Variants in CDC6 observed in about 807,000 individuals in gnomAD.
The protein encoded by CDC6 is DNA replication factor CDC6.
CDC6 carries 46 observed loss-of-function variants against 60.2 expected under a neutral mutation model. That is an observed-to-expected ratio of 0.76 (90% CI 0.60 to 0.98). The LOEUF is 0.98. CDC6 is among the 50% of genes least tolerant of loss of function. The probability of loss-of-function intolerance (pLI) is 0.00; values close to 1 mark genes in which losing one functional copy is unlikely to be tolerated. For synonymous variants in CDC6, 210 were observed against 233.2 expected (o/e 0.90, Z 0.90); for missense variants, 596 against 652.9 (o/e 0.91, Z 0.95).
chr17:40,291,159 C>T lies in CDC6; in HGVS notation c.280C>T (p.Arg94Ter), dbSNP rs1188955109. Residue 94 changes from arginine (R) to a stop codon, truncating the protein, a stop_gained, in exon 3 of 12, where the codon CGA becomes TGA. Transcript: ENST00000209728. LOFTEE classifies it high-confidence loss of function. ...CCCTCACTCACATACACTTAAGGGACGAAGATTGGTATTTGACAATCAGCT... is the reference window on the plus strand; with the variant it reads ...CCCTCACTCACATACACTTAAGGGATGAAGATTGGTATTTGACAATCAGCT... Reference protein sequence around the residue: ...GPPHSHTLKGRRLVFDNQLTI... With the variant: ...GPPHSHTLKG 6.2e-6 allele frequency: 10 copies of T among 1,613,966 alleles called. No individual in the cohort carries two copies. The highest frequency in any genetic ancestry group is 1.3e-5 in the African/African-American group (1 of 74,890).
Position 40,296,698 on chromosome 17 carries a change from T to A in CDC6, c.1185-5T>A, listed in dbSNP as rs999165992. 7 of 1,576,582 alleles carry A rather than the reference T, an allele frequency of 4.4e-6. No individual in the cohort carries two copies. Among genetic ancestry groups the A allele is most frequent in the Non-Finnish European group, 6.1e-6 (7 of 1,146,068 alleles). On this transcript the variant is annotated splice_region_variant and splice_polypyrimidine_tract_variant and intron_variant, in intron 8 of 11. Transcript: ENST00000209728. ...CTAAATTAATTTTAGAAATTTTTTT[T>A]ATAGGAGAGCTATTGAAATTGTAGA...
At chr17:40,295,487 T>TAAAAAA in intron 8 of CDC6, 31 bp downstream of exon 8, 2 of 1,119,866 alleles carry the variant, frequency 1.8e-6, no homozygotes, top group Non-Finnish European at 2.7e-6. Context: ...ATTCTTTTAT[T>TAAAAAA]AAAAAAAAAA....
chr17:40,296,889 T>A (rs954181104), intron 9 of CDC6, 122 bp downstream of exon 9: 2 of 778,846 alleles, frequency 2.6e-6, no homozygotes, highest in African/African-American at 3.4e-5. Flanking sequence ...TATGTGTGTC[T>A]GTGTTTTTAG....
rs767841312 is a variant in CDC6, at chr17:40,293,612, G to T, written c.817G>T (p.Ala273Ser). Residue 273 changes from alanine to serine, a missense_variant, in exon 5 of 12, where the codon GCA becomes TCA. By Grantham distance (99) the Ala-to-Ser change is moderately conservative. Transcript: ENST00000209728. ...MMRKLEKHMT[A>S]EKGPMIVLVL... ...GAGGAAATTGGAAAAACATATGACTGCAGAGAAGGGCCCCATGATGTAAGT... is the reference window on the plus strand; with the variant it reads ...GAGGAAATTGGAAAAACATATGACTTCAGAGAAGGGCCCCATGATGTAAGT... The T allele has an allele frequency of 3.1e-6, 5 of 1,612,912 alleles. No homozygotes were observed. Among genetic ancestry groups the T allele is most frequent in the Non-Finnish European group, 4.2e-6 (5 of 1,178,972 alleles).
intron 9 of CDC6, among the ~76,000 whole-genome samples, chr17:40,298,811 T>G (rs1417880890): frequency 6.6e-6 from 1 of 152,178 alleles, no homozygotes; most frequent in Non-Finnish European, 1.5e-5. Flanking sequence ...TGAAACATAG[T>G]GGGTTCTCCA....
chr17:40,296,893 T>A, intron 9 of CDC6, 126 bp downstream of exon 9: 1 of 765,130 alleles, frequency 1.3e-6, no homozygotes. Flanking sequence ...TGTGTCTGTG[T>A]TTTTAGTCCG....
In CDC6 at chr17:40,291,520, G is replaced by T; in HGVS notation, c.512G>T (p.Arg171Leu). ...KLVLNTAVPD[R>L]LPAREREMDV... is the part of the protein sequence containing the mutation. The stretch of plus-strand genomic sequence containing the variant: ...GTCCTGAACACAGCTGTCCCAGATC[G>T]GCTGCCTGCCAGGGAAAGGGAGATG... The change falls in exon 4 of 12, where the codon CGG (arginine) becomes CTG (leucine). Residue 171 changes from arginine to leucine, a missense_variant. Coordinates refer to ENST00000209728, the MANE Select transcript of CDC6 (RefSeq NM_001254.4). 2 of 1,614,166 alleles carry T rather than the reference G, an allele frequency of 1.2e-6. No individual in the cohort carries two copies. The highest frequency in any genetic ancestry group is 8.5e-7 in the Non-Finnish European group (1 of 1,180,030).
At chr17:40,291,425 T>C in intron 3 of CDC6, 44 bp from the exon 4 acceptor site, 1 of 1,612,698 alleles carries the variant, frequency 6.2e-7, no homozygotes, top group Non-Finnish European at 8.5e-7. Flanking sequence ...GGTCTTCTCA[T>C]TCACCTTCTG....
At chr17:40,289,678 A>T in intron 2 of CDC6, 80 bp downstream of exon 2, 20 of 790,142 alleles carry the variant, frequency 2.5e-5, no homozygotes, top group Admixed American at 3.7e-5. Flanking sequence ...CCTTTGAAGG[A>T]GCTTTCTAAG....
rs940343117 is a variant in CDC6, at chr17:40,303,319, T to C, written c.*1318T>C. ...TCATAACTGAAGCAAATGCTTGAAA[T>C]GTAAACCATGTGTGATACGAATGAT... is the stretch of plus-strand genomic sequence containing the variant. On this transcript the variant is annotated 3_prime_UTR_variant, in exon 12 of 12. Transcript: ENST00000209728. 6.6e-6 allele frequency: 1 copy of C among 152,252 alleles called. No individual in the cohort carries two copies. Among genetic ancestry groups the C allele is most frequent in the Non-Finnish European group, 1.5e-5 (1 of 68,048 alleles). The allele number at this position is 152,252 out of a possible 1,614,324, so 9.4% of individuals were successfully genotyped here.
intron 9 of CDC6, among the ~76,000 whole-genome samples, chr17:40,298,356 T>C (rs1451608672): frequency 2.0e-5 from 3 of 152,006 alleles, no homozygotes; most frequent in Non-Finnish European, 2.9e-5. Flanking sequence ...GTAAGTTCTA[T>C]CTTTTGACTT....
chr17:40,294,432 C>A lies in CDC6; in HGVS notation c.1012C>A (p.Pro338Thr). 1.9e-6 allele frequency: 3 copies of A among 1,611,984 alleles called. No homozygotes were observed. The Middle Eastern group carries it at 5.0e-4, about 266-fold the overall frequency. ...GCTTCAAGCTAGAGAAAAATGTAAG[C>A]CACAGCTGTTGAACTTCCCACCTTA... Reference protein sequence around the residue: ...PRLQAREKCKPQLLNFPPYTR... With the variant: ...PRLQAREKCKTQLLNFPPYTR... The change falls in exon 7 of 12, where the codon CCA becomes ACA. Residue 338 changes from proline to threonine, a missense_variant. Physicochemically the swap from Pro to Thr is conservative, Grantham distance 38. Transcript: ENST00000209728.
chr17:40,289,481 C>G lies in CDC6; in HGVS notation c.61C>G (p.Arg21Gly), dbSNP rs754238733. 1.2e-6 allele frequency: 2 copies of G among 1,613,816 alleles called. No individual in the cohort carries two copies. The highest frequency in any genetic ancestry group is 1.7e-6 in the Non-Finnish European group (2 of 1,179,984). Residue 21 changes from arginine to glycine, a missense_variant, in exon 2 of 12, where the codon CGG becomes GGG. Coordinates refer to ENST00000209728, the MANE Select transcript of CDC6 (RefSeq NM_001254.4). ...CAGTTTTCCAAAAAGGAAGCTGTCT[C>G]GGGCATTGAACAAAGCTAAAAACTC... ...TISFPKRKLS[R>G]ALNKAKNSSD...
chr17:40,292,088 G>A (rs1355502446), intron 4 of CDC6, among the ~76,000 whole-genome samples: 3 of 152,070 alleles, frequency 2.0e-5, no homozygotes, highest in Non-Finnish European at 4.4e-5. Context: ...CCAGGCTGGA[G>A]TGCAGTGTTG....
chr17:40,291,755 T>C, intron 4 of CDC6, 87 bp downstream of exon 4: 2 of 1,436,542 alleles, frequency 1.4e-6, no homozygotes, highest in Non-Finnish European at 1.9e-6. Flanking sequence ...TTGTTTTGTT[T>C]TGTTTTTTGA....
chr17:40,293,645 T>C lies in CDC6; in HGVS notation c.836+14T>C. 6.3e-7 allele frequency: 1 copy of C among 1,594,878 alleles called. No homozygotes were observed. Among genetic ancestry groups the C allele is most frequent in the Non-Finnish European group, 8.6e-7 (1 of 1,162,398 alleles). On this transcript the variant is annotated intron_variant, in intron 5 of 11. Coordinates refer to ENST00000209728, the MANE Select transcript of CDC6 (RefSeq NM_001254.4). ...GGGCCCCATGATGTAAGTATTGTTC[T>C]GCTTCATGTTGCTCTGTGAAAATCT...
In CDC6 at chr17:40,304,549, C is replaced by T. The variant is rs1163558809; in HGVS notation, c.*2548C>T. 6.6e-6 allele frequency: 1 copy of T among 152,236 alleles called. No individual in the cohort carries two copies. Among genetic ancestry groups the T allele is most frequent in the East Asian group, 1.9e-4 (1 of 5,192 alleles). The allele number at this position is 152,236 out of a possible 1,614,324, so 9.4% of individuals were successfully genotyped here. ...AGGTGATGGAGTGTGTGTCTATATCCTGGTTTATCTCTCTCCCCCACCCCA... is the reference window on the plus strand; with the variant it reads ...AGGTGATGGAGTGTGTGTCTATATCTTGGTTTATCTCTCTCCCCCACCCCA... On this transcript the variant is annotated 3_prime_UTR_variant, in exon 12 of 12. Coordinates refer to ENST00000209728, the MANE Select transcript of CDC6 (RefSeq NM_001254.4).
intron 2 of CDC6, 102 bp downstream of exon 2, chr17:40,289,700 CTTCT>C: frequency 6.1e-6 from 3 of 490,884 alleles, no homozygotes; most frequent in Non-Finnish European, 7.3e-6. Flanking sequence ...TCAGTTAAGA[CTTCT>C]TTTTTTTTTT....
chr17:40,292,094 T>A (rs527289250), intron 4 of CDC6, among the ~76,000 whole-genome samples: 1 of 152,102 alleles, frequency 6.6e-6, no homozygotes, highest in South Asian at 2.1e-4. Flanking sequence ...TGGAGTGCAG[T>A]GTTGTGATCT....
Sources: allele counts gnomAD v4.1 joint callset (sites outside exome capture counted in the v4.1 genomes callset), GRCh38; gene constraint gnomAD v4.1.1; transcripts MANE v1.5; gene names NCBI Gene and HGNC (gene_info 2026-07-23, HGNC 2026-07-21).